The following NOL4 variants were observed in gnomAD, a reference collection of about 807,000 sequenced individuals.
The protein encoded by NOL4 is cancer/testis antigen 125.
In NOL4, 17 loss-of-function variants were observed where a neutral mutation model predicts 75.9. The ratio of observed to expected loss-of-function variants is 0.22; its 90% CI spans 0.15 to 0.34. The LOEUF (loss-of-function observed/expected upper bound fraction) is 0.34. Among genes scored for constraint, NOL4 ranks in the 10% least tolerant of loss-of-function variants. The pLI is 1.00. For missense variants in NOL4, 614 were observed against 793.5 expected, an observed-to-expected ratio of 0.77 and a Z score of 2.72; for synonymous variants, 292 against 289.9, an observed-to-expected ratio of 1.01 and a Z score of -0.07.
At chr18:34,166,215 A>G (rs1366201050) in intron 1 of NOL4, among the ~76,000 whole-genome samples, 1 of 152,150 alleles carries the variant, frequency 6.6e-6, no homozygotes, top group Non-Finnish European at 1.5e-5. Flanking sequence ...ATGTTTCAGA[A>G]TATAACATTA....
chr18:34,157,331 C>T (rs1367492885), intron 1 of NOL4, among the ~76,000 whole-genome samples: 2 of 152,014 alleles, frequency 1.3e-5, no homozygotes, highest in Non-Finnish European at 2.9e-5. Flanking sequence ...CAATAAATGG[C>T]CCTCATGCTT....
At chr18:33,982,905 C>A (rs890528819) in intron 6 of NOL4, among the ~76,000 whole-genome samples, 1 of 151,868 alleles carries the variant, frequency 6.6e-6, no homozygotes, top group Non-Finnish European at 1.5e-5. Context: ...CATGTACCAC[C>A]ACACGTGGCT....
chr18:34,014,325 C>T (rs2074556217), intron 6 of NOL4, among the ~76,000 whole-genome samples: 2 of 151,834 alleles, frequency 1.3e-5, no homozygotes, highest in Non-Finnish European at 2.9e-5. Flanking sequence ...ATGCAGTAAC[C>T]ACAGTTGCAC....
chr18:34,008,159 C>T (rs976591519), intron 6 of NOL4, among the ~76,000 whole-genome samples: 11 of 151,942 alleles, frequency 7.2e-5, no homozygotes, highest in Admixed American at 7.2e-4. Flanking sequence ...CTTCTCTTGC[C>T]CTCAGATGTT....
intron 6 of NOL4, among the ~76,000 whole-genome samples, chr18:34,017,810 G>C: frequency 6.6e-6 from 1 of 152,000 alleles, no homozygotes; most frequent in East Asian, 1.9e-4. Context: ...CTATTCCTCA[G>C]TTGGCTGTGG....
chr18:34,082,255 G>A (rs567103874), intron 5 of NOL4, among the ~76,000 whole-genome samples: 2 of 152,218 alleles, frequency 1.3e-5, no homozygotes, highest in East Asian at 3.9e-4. Context: ...CATGCTTAAA[G>A]CCATGGGCAT....
intron 5 of NOL4, among the ~76,000 whole-genome samples, chr18:34,086,043 G>A (rs1471903942): frequency 2.6e-5 from 4 of 152,006 alleles, no homozygotes; most frequent in Non-Finnish European, 5.9e-5. Flanking sequence ...TAGAGCAACT[G>A]CCATAAAGAG....
At chr18:34,159,668 A>G (rs1300457590) in intron 1 of NOL4, among the ~76,000 whole-genome samples, 1 of 151,704 alleles carries the variant, frequency 6.6e-6, no homozygotes, top group Non-Finnish European at 1.5e-5. Flanking sequence ...AATTCCCTGT[A>G]TGTCCCGACC....
chr18:33,903,325 C>T (rs2145016664), intron 9 of NOL4, among the ~76,000 whole-genome samples: 2 of 152,208 alleles, frequency 1.3e-5, no homozygotes, highest in Middle Eastern at 3.4e-3. Flanking sequence ...GAAACTGCAT[C>T]CATAATCCAA....
chr18:33,854,828 G>A (rs919541550), intron 10 of NOL4, among the ~76,000 whole-genome samples: 1 of 151,824 alleles, frequency 6.6e-6, no homozygotes, highest in Non-Finnish European at 1.5e-5. Flanking sequence ...TTGAGAAAGG[G>A]TTGAGGCTAG....
At chr18:33,893,977 C>A (rs1461220930) in intron 9 of NOL4, among the ~76,000 whole-genome samples, 1 of 152,092 alleles carries the variant, frequency 6.6e-6, no homozygotes, top group Non-Finnish European at 1.5e-5. Flanking sequence ...ACTTCTCCTG[C>A]CCTTACATGC....
chr18:33,944,296 C>T (rs1304214069), intron 8 of NOL4, among the ~76,000 whole-genome samples: 1 of 151,842 alleles, frequency 6.6e-6, no homozygotes, highest in Non-Finnish European at 1.5e-5. Context: ...ACTCATTTTA[C>T]CAACTCTGGC....
intron 5 of NOL4, among the ~76,000 whole-genome samples, chr18:34,026,592 A>T (rs2075354756): frequency 6.6e-6 from 1 of 152,232 alleles, no homozygotes; most frequent in South Asian, 2.1e-4. Flanking sequence ...AATGGGCTCC[A>T]TTTTCCAGAT....
Position 33,884,834 on chromosome 18 carries a change from G to T in NOL4, c.1543-1410C>A, listed in dbSNP as rs565847098. Among the ~76,000 whole-genome samples the T allele has an allele frequency of 1.1e-4, 16 of 152,206 alleles. 1 individual carries two copies. The South Asian group carries it at 3.1e-3, about 30-fold the overall frequency. ...GCTCTATTGAAACAGTAGTACTGTT[G>T]TATTGAGAATACTATGACCATCTAT... On this transcript the variant is annotated intron_variant, in intron 9 of 10. Coordinates refer to ENST00000261592, the MANE Select transcript of NOL4 (RefSeq NM_003787.5).
chr18:33,882,274 C>A (rs1232548577), intron 10 of NOL4, among the ~76,000 whole-genome samples: 3 of 151,788 alleles, frequency 2.0e-5, no homozygotes, highest in Admixed American at 1.3e-4. Context: ...AGGCAGCCTA[C>A]AAAATGGGAG....
intron 9 of NOL4, among the ~76,000 whole-genome samples, chr18:33,887,555 T>C (rs962072046): frequency 6.6e-6 from 1 of 152,006 alleles, no homozygotes; most frequent in Non-Finnish European, 1.5e-5. Flanking sequence ...TTTCTCCTAA[T>C]GCTATCCCTC....
intron 9 of NOL4, among the ~76,000 whole-genome samples, chr18:33,913,295 A>G (rs186350474): frequency 5.9e-5 from 9 of 152,252 alleles, no homozygotes; most frequent in African/African-American, 1.7e-4. Context: ...CCAATACATT[A>G]TCTGTCTCAT....
chr18:34,202,033 A>G (rs2035778666), intron 1 of NOL4, among the ~76,000 whole-genome samples: 1 of 151,882 alleles, frequency 6.6e-6, no homozygotes, highest in South Asian at 2.1e-4. Context: ...AACATTAAAA[A>G]TGTTAAACAA....
At chr18:33,929,934 A>G (rs1248671065) in intron 9 of NOL4, among the ~76,000 whole-genome samples, 2 of 152,148 alleles carry the variant, frequency 1.3e-5, no homozygotes, top group African/African-American at 4.8e-5. Flanking sequence ...ATTAGAATTC[A>G]TTCATATTTA....
Sources: gnomAD v4.1 joint callset for allele counts (sites outside exome capture counted in the v4.1 genomes callset) on GRCh38, gnomAD v4.1.1 for gene constraint, MANE v1.5 for transcripts, NCBI Gene and HGNC (gene_info 2026-07-23, HGNC 2026-07-21) for gene names.